Variants in GALNT13 observed in about 807,000 individuals in gnomAD.
The protein encoded by GALNT13 is UDP-GalNAc:polypeptide N-acetylgalactosaminyltransferase 13.
Under a neutral mutation model 64.2 loss-of-function variants are expected in GALNT13, and 28 were observed. The observed-to-expected ratio is 0.44, with a 90% CI of 0.32 to 0.60. The LOEUF (loss-of-function observed/expected upper bound fraction) is 0.60, where lower values mean the gene tolerates loss of function less well. GALNT13 is among the 20% of genes least tolerant of loss of function. GALNT13 has a pLI of 0.05. For missense variants in GALNT13, 577 were observed against 669.8 expected (o/e 0.86, Z 1.53); for synonymous variants, 214 against 224.6 (o/e 0.95, Z 0.42).
At chr2:153,514,850 C>G in the GALNT13 span, among the ~76,000 whole-genome samples, 1 of 152,102 alleles carries the variant, frequency 6.6e-6, no homozygotes, top group Admixed American at 6.5e-5. Flanking sequence ...GCTTTAGTGG[C>G]CAATCATCCT....
intron 8 of GALNT13, among the ~76,000 whole-genome samples, chr2:154,291,054 T>C (rs549127135): frequency 6.6e-6 from 1 of 152,058 alleles, no homozygotes; most frequent in East Asian, 2.0e-4. Flanking sequence ...AGATCTATCG[T>C]GAAGAGCAAA....
chr2:154,311,256 G>T (rs1212609617), intron 9 of GALNT13, among the ~76,000 whole-genome samples: 1 of 151,980 alleles, frequency 6.6e-6, no homozygotes, highest in Non-Finnish European at 1.5e-5. Context: ...TATATCGGGG[G>T]TCCTGCCCCG....
chr2:153,816,243 G>C, the GALNT13 span, among the ~76,000 whole-genome samples: 1 of 152,184 alleles, frequency 6.6e-6, no homozygotes, highest in Admixed American at 6.5e-5. Flanking sequence ...CTGAGGTCAT[G>C]ATGTTTGGGC....
At chr2:153,788,226 C>T in the GALNT13 span, among the ~76,000 whole-genome samples, 2 of 152,182 alleles carry the variant, frequency 1.3e-5, no homozygotes, top group South Asian at 2.1e-4. Context: ...GGAAGCTCAT[C>T]GAACTAAAAG....
the GALNT13 span, among the ~76,000 whole-genome samples, chr2:153,831,490 T>C: frequency 6.6e-6 from 1 of 152,130 alleles, no homozygotes; most frequent in Non-Finnish European, 1.5e-5. Context: ...GTAGCAGCAA[T>C]TCCTTCTTGT....
chr2:153,966,346 C>CT (rs1233670054), intron 3 of GALNT13, among the ~76,000 whole-genome samples: 5 of 145,414 alleles, frequency 3.4e-5, no homozygotes, highest in Admixed American at 2.8e-4. Context: ...CTATTTGCTT[C>CT]TTTTTTTGTT....
chr2:154,370,758 GTTAAC>G (rs1697639239), intron 9 of GALNT13, among the ~76,000 whole-genome samples: 2 of 152,190 alleles, frequency 1.3e-5, no homozygotes, highest in East Asian at 1.9e-4. Context: ...CAGGCTTAGT[GTTAAC>G]TTAAGAGTTA....
intron 10 of GALNT13, among the ~76,000 whole-genome samples, chr2:154,408,192 G>T (rs1450684856): frequency 1.2e-4 from 18 of 152,068 alleles, no homozygotes; most frequent in African/African-American, 4.3e-4. Context: ...GCATTCATTT[G>T]TTCTTGATTC....
chr2:153,360,367 A>T, the GALNT13 span, among the ~76,000 whole-genome samples: 1 of 152,170 alleles, frequency 6.6e-6, no homozygotes, highest in Non-Finnish European at 1.5e-5. Context: ...CTCAACAGCC[A>T]CTCAGCTGGA....
At chr2:153,850,710 A>G in the GALNT13 span, among the ~76,000 whole-genome samples, 2 of 152,232 alleles carry the variant, frequency 1.3e-5, no homozygotes, top group Admixed American at 6.5e-5. Flanking sequence ...CATAGAATAT[A>G]TAATAGACAC....
intron 8 of GALNT13, among the ~76,000 whole-genome samples, chr2:154,281,090 A>G (rs1354614631): frequency 6.6e-6 from 1 of 152,230 alleles, no homozygotes; most frequent in Non-Finnish European, 1.5e-5. Flanking sequence ...AATTATTAAA[A>G]GATGAAAAAG....
chr2:153,303,058 T>G, the GALNT13 span, among the ~76,000 whole-genome samples: 3 of 152,174 alleles, frequency 2.0e-5, no homozygotes, highest in African/African-American at 4.8e-5. Context: ...TTTTGATTGT[T>G]TTATCTATTT....
chr2:153,988,545 C>G (rs1004475290), intron 3 of GALNT13, among the ~76,000 whole-genome samples: 2 of 151,906 alleles, frequency 1.3e-5, no homozygotes, highest in South Asian at 4.1e-4. Context: ...TGTATATACA[C>G]TGCACTTTCC....
chr2:153,991,781 T>G (rs527829184), intron 3 of GALNT13, among the ~76,000 whole-genome samples: 1 of 152,294 alleles, frequency 6.6e-6, no homozygotes, highest in East Asian at 1.9e-4. Context: ...ATCAAGAAAT[T>G]GTTTAATTTT....
the GALNT13 span, among the ~76,000 whole-genome samples, chr2:153,284,875 A>G: frequency 2.4e-4 from 37 of 152,212 alleles, no homozygotes; most frequent in East Asian, 5.8e-3. Context: ...CATCTTGGGC[A>G]AAAAAGGGTC....
intron 3 of GALNT13, among the ~76,000 whole-genome samples, chr2:154,106,470 T>TA (rs1702621016): frequency 1.3e-5 from 2 of 152,078 alleles, no homozygotes; most frequent in South Asian, 2.1e-4. Flanking sequence ...TACTTCTTTG[T>TA]AAAAAATCTG....
At chr2:153,236,457 T>TG in the GALNT13 span, among the ~76,000 whole-genome samples, 1 of 152,110 alleles carries the variant, frequency 6.6e-6, no homozygotes, top group Non-Finnish European at 1.5e-5. Flanking sequence ...ACTTTCTTGT[T>TG]GGGGGCTAAT....
chr2:153,274,213 A>C, the GALNT13 span, among the ~76,000 whole-genome samples: 1 of 152,266 alleles, frequency 6.6e-6, no homozygotes, highest in Admixed American at 6.5e-5. Context: ...AAAAAAATAA[A>C]AAAAATTTAT....
chr2:153,245,083 C>A, the GALNT13 span, among the ~76,000 whole-genome samples: 1 of 152,214 alleles, frequency 6.6e-6, no homozygotes, highest in Non-Finnish European at 1.5e-5. Flanking sequence ...CTCCTCACTG[C>A]GCAGGGGATC....
Sources: allele counts gnomAD v4.1 joint callset (sites outside exome capture counted in the v4.1 genomes callset), GRCh38; gene constraint gnomAD v4.1.1; transcripts MANE v1.5; gene names NCBI Gene and HGNC (gene_info 2026-07-23, HGNC 2026-07-21).